ZAR1: variants seen among roughly 807,000 people sequenced by gnomAD.
ZAR1 encodes the protein zygote arrest 1.
ZAR1 carries 37 observed loss-of-function variants against 38.3 expected under a neutral mutation model. The ratio of observed to expected loss-of-function variants is 0.97; its 90% CI spans 0.74 to 1.27. The LOEUF is 1.27. Ranked by LOEUF, ZAR1 falls within the 50% of genes most tolerant of loss-of-function variation. The pLI, the probability that ZAR1 is intolerant of heterozygous loss-of-function variation, is 0.00. For missense variants in ZAR1, 651 were observed against 632.4 expected (o/e 1.03, Z -0.32); for synonymous variants, 336 against 292.0 (o/e 1.15, Z -1.53).
At position 48,490,659 on chromosome 4, in the gene ZAR1, G is replaced by A; in HGVS notation, c.368G>A (p.Gly123Glu). Residue 123 changes from glycine (G) to glutamate (E), a missense_variant, in exon 1 of 4, where the codon GGG becomes GAG. Coordinates refer to ENST00000327939, the MANE Select transcript of ZAR1 (RefSeq NM_175619.3). ...GACGCCGCGGTACAGTGCTCGCTGG[G>A]GAGGCGCACGCTGCAGCGCCGGGCC... ...RIDAAVQCSLGRRTLQRRARD... is the reference protein window; with the variant it reads ...RIDAAVQCSLERRTLQRRARD... 1 of 1,334,736 alleles carries A rather than the reference G, an allele frequency of 7.5e-7. No homozygotes were observed. Among genetic ancestry groups the A allele is most frequent in the Non-Finnish European group, 9.5e-7 (1 of 1,049,354 alleles). 82.7% of individuals were successfully genotyped at this position (1,334,736 alleles called of 1,614,324 possible).
At chr4:48,492,161 A>G (rs532475110) in intron 1 of ZAR1, among the ~76,000 whole-genome samples, 168 of 152,336 alleles carry the variant, frequency 1.1e-3, no homozygotes, top group Non-Finnish European at 1.9e-3. Flanking sequence ...AGCAGACTGA[A>G]TTAAGTGCTC....
chr4:48,490,371 C>CCGCGGCCACCAAGGGCAAGGG lies in ZAR1; in HGVS notation c.87_107dup (p.Thr30_Ala36dup). The CCGCGGCCACCAAGGGCAAGGG allele has an allele frequency of 6.6e-7, 1 of 1,505,246 alleles. No individual in the cohort carries two copies. Among genetic ancestry groups the CCGCGGCCACCAAGGGCAAGGG allele is most frequent in the Admixed American group, 2.1e-5 (1 of 47,028 alleles). The allele number at this position is 1,505,246 out of a possible 1,614,324, so 93.2% of individuals were successfully genotyped here. On this transcript the variant is annotated inframe_insertion, in exon 1 of 4. Coordinates refer to ENST00000327939, the MANE Select transcript of ZAR1 (RefSeq NM_175619.3). ...CCCTGCTCGTACCGGTACCCATACC[C>CCGCGGCCACCAAGGGCAAGGG]CGCGGCCACCAAGGGCAAGGGCGCG...
intron 1 of ZAR1, among the ~76,000 whole-genome samples, chr4:48,492,323 C>A (rs145263491): frequency 6.6e-6 from 1 of 152,276 alleles, no homozygotes; most frequent in Non-Finnish European, 1.5e-5. Context: ...GTTCCTGGCA[C>A]CACTGTTTGG....
intron 3 of ZAR1, 125 bp from the exon 4 acceptor site, chr4:48,493,976 A>T: frequency 8.3e-7 from 1 of 1,205,914 alleles, no homozygotes; most frequent in Non-Finnish European, 1.1e-6. Flanking sequence ...GGAAAACAAG[A>T]TTACTATGGG....
In ZAR1 at chr4:48,492,975, C is replaced by G. The variant is rs1285894230; in HGVS notation, c.1094C>G (p.Ser365Cys). Residue 365 changes from serine to cysteine, a missense_variant, in exon 3 of 4, where the codon TCT (serine) becomes TGT (cysteine). By Grantham distance (112) the Ser-to-Cys change is moderately radical. This residue lies in a region of ZAR1 where 129 missense variants were observed against 172.5 expected (regional missense o/e 0.75). Coordinates refer to ENST00000327939, the MANE Select transcript of ZAR1 (RefSeq NM_175619.3). ...CAGTTTTGCAGAACTTGTCAGAAGT[C>G]TTATAACCCTTACCGAGTGGAGGAT... ...FKQFCRTCQK[S>C]YNPYRVEDIT... 22 of 1,614,086 alleles carry G rather than the reference C, an allele frequency of 1.4e-5. No homozygotes were observed. Among genetic ancestry groups the G allele is most frequent in the Non-Finnish European group, 1.8e-5 (21 of 1,180,038 alleles).
Position 48,490,758 on chromosome 4 carries a change from C to A in ZAR1, c.467C>A (p.Ser156Tyr). The change falls in exon 1 of 4, where the codon TCC becomes TAC. Residue 156 changes from serine to tyrosine, a missense_variant. Ser to Tyr is a moderately radical substitution (Grantham distance 144). Around this residue, in one of 2 missense-constraint regions of ZAR1, gnomAD observed 522 missense variants for 459.9 expected, o/e 1.14. Coordinates refer to ENST00000327939, the MANE Select transcript of ZAR1 (RefSeq NM_175619.3). The part of the protein sequence containing the change: ...TGGGSFSQQP[S>Y]RRGLEQGSPQ... Reference sequence around the variant, plus strand: ...GGCGGCTCTTTCTCCCAGCAGCCATCCCGTCGAGGCCTGGAGCAGGGCAGC... The same window carrying A: ...GGCGGCTCTTTCTCCCAGCAGCCATACCGTCGAGGCCTGGAGCAGGGCAGC... 2 of 1,436,226 alleles carry A rather than the reference C, an allele frequency of 1.4e-6. No individual in the cohort carries two copies. The highest frequency in any genetic ancestry group is 1.8e-6 in the Non-Finnish European group (2 of 1,099,196). 89.0% of individuals were successfully genotyped at this position (1,436,226 alleles called of 1,614,324 possible).
chr4:48,494,099 A>C lies in ZAR1; in HGVS notation c.1132-2A>C, dbSNP rs1209777951. On this transcript the variant is annotated splice_acceptor_variant, in intron 3 of 3. Transcript: ENST00000327939. LOFTEE classifies it high-confidence loss of function. ...ATGCCCTTCTGTATTTTTTTCCCCC[A>C]GAGTTGTAAACAAACGAGATGTTCC... 8 of 1,610,106 alleles carry C rather than the reference A, an allele frequency of 5.0e-6. No individual in the cohort carries two copies. Among genetic ancestry groups the C allele is most frequent in the Non-Finnish European group, 6.8e-6 (8 of 1,177,746 alleles).
chr4:48,490,472 T>A lies in ZAR1; in HGVS notation c.181T>A (p.Leu61Met). The A allele has an allele frequency of 1.4e-6, 2 of 1,470,316 alleles. No individual in the cohort carries two copies. The highest frequency in any genetic ancestry group is 1.8e-6 in the Non-Finnish European group (2 of 1,119,986). 91.1% of individuals were successfully genotyped at this position (1,470,316 alleles called of 1,614,324 possible). A position where few individuals can be genotyped will look rare whatever the true frequency, so the allele number is the denominator to read the frequency against. Reference protein sequence around the residue: ...SSPCSAGAASLSFPGCGRLTA... With the variant: ...SSPCSAGAASMSFPGCGRLTA... The stretch of plus-strand genomic sequence containing the variant: ...CCCCTGCTCGGCGGGCGCGGCCTCG[T>A]TGTCCTTCCCGGGCTGCGGGCGGCT... The change falls in exon 1 of 4, where the codon TTG becomes ATG. Residue 61 changes from leucine (L) to methionine (M), a missense_variant. By Grantham distance (15) the Leu-to-Met change is conservative (BLOSUM62 2). Coordinates refer to ENST00000327939, the MANE Select transcript of ZAR1 (RefSeq NM_175619.3).
At chr4:48,494,058 A>C (rs375682478) in intron 3 of ZAR1, 43 bp from the exon 4 acceptor site, 65 of 1,592,202 alleles carry the variant, frequency 4.1e-5, no homozygotes, top group Non-Finnish European at 5.3e-5. Context: ...GAAATCACTA[A>C]GGGTTTATCT....
chr4:48,493,396 A>G (rs1718497961), intron 3 of ZAR1, among the ~76,000 whole-genome samples: 1 of 152,200 alleles, frequency 6.6e-6, no homozygotes, highest in South Asian at 2.1e-4. Flanking sequence ...GTACTTAAGC[A>G]CAGGGGGTTA....
chr4:48,493,995 T>G (rs1718515141), intron 3 of ZAR1, 106 bp from the exon 4 acceptor site: 2 of 1,371,418 alleles, frequency 1.5e-6, no homozygotes, highest in Admixed American at 4.9e-5. Flanking sequence ...GGACCTTGCT[T>G]AGAGCACATT....
At chr4:48,493,868 A>G (rs1402553056) in intron 3 of ZAR1, among the ~76,000 whole-genome samples, 1 of 152,194 alleles carries the variant, frequency 6.6e-6, no homozygotes, top group Non-Finnish European at 1.5e-5. Context: ...AAATTTCACA[A>G]TTCATAATTG....
chr4:48,490,992 C>T lies in ZAR1; in HGVS notation c.701C>T (p.Pro234Leu). 7.4e-7 allele frequency: 1 copy of T among 1,356,880 alleles called. No homozygotes were observed. The highest frequency in any genetic ancestry group is 9.4e-7 in the Non-Finnish European group (1 of 1,060,738). The allele number at this position is 1,356,880 out of a possible 1,614,324, so 84.1% of individuals were successfully genotyped here. A position where few individuals can be genotyped will look rare whatever the true frequency, so the allele number is the denominator to read the frequency against. Residue 234 changes from proline (P) to leucine (L), a missense_variant, in exon 1 of 4, where the codon CCC becomes CTC. By Grantham distance (98) the Pro-to-Leu change is moderately conservative. Transcript: ENST00000327939. ...EEGEVWTKKA[P>L]RRPQSDDDGE... ...GGGGAGGTGTGGACGAAGAAGGCGC[C>T]CCGGCGGCCGCAGTCCGACGACGAC...
Position 48,490,308 on chromosome 4 carries a change from A to T in ZAR1, c.17A>T (p.Asp6Val), listed in dbSNP as rs1475384407. The change falls in exon 1 of 4, where the codon GAC becomes GTC. Residue 6 changes from aspartate (D) to valine (V), a missense_variant. By Grantham distance (152) the Asp-to-Val change is radical. Transcript: ENST00000327939. ...AGTGCGCCCATGGCGGCCCTGGGGG[A>T]CGAGGTGCTGGACGGTTACGTGTTC... Reference protein sequence around the residue: MAALGDEVLDGYVFPA... With the variant: MAALGVEVLDGYVFPA... 4 of 1,505,542 alleles carry T rather than the reference A, an allele frequency of 2.7e-6. No individual in the cohort carries two copies. The African/African-American group carries it at 4.4e-5, about 16-fold the overall frequency. The allele number at this position is 1,505,542 out of a possible 1,614,324, so 93.3% of individuals were successfully genotyped here.
chr4:48,491,154 G>A lies in ZAR1; in HGVS notation c.863G>A (p.Gly288Glu), dbSNP rs1195229152. 3 of 1,241,022 alleles carry A rather than the reference G, an allele frequency of 2.4e-6. No homozygotes were observed. The African/African-American group carries it at 4.7e-5, about 19-fold the overall frequency. 76.9% of individuals were successfully genotyped at this position (1,241,022 alleles called of 1,614,324 possible). ...LRSPGQPPSA[G>E]RARDGGDGRE... ...AGCCCGGGGCAACCTCCGTCGGCGG[G>A]GAGGGCCCGAGACGGCGGCGACGGA... The change falls in exon 1 of 4, where the codon GGG (glycine) becomes GAG (glutamate). Residue 288 changes from glycine to glutamate, a missense_variant. By Grantham distance (98) the Gly-to-Glu change is moderately conservative. Transcript: ENST00000327939.
Position 48,490,542 on chromosome 4 carries a change from T to C in ZAR1, c.251T>C (p.Met84Thr). 6.9e-7 allele frequency: 1 copy of C among 1,451,978 alleles called. No individual in the cohort carries two copies. 89.9% of individuals were successfully genotyped at this position (1,451,978 alleles called of 1,614,324 possible). The change falls in exon 1 of 4, where the codon ATG (methionine) becomes ACG (threonine). Residue 84 changes from methionine to threonine, a missense_variant. By Grantham distance (81) the Met-to-Thr change is moderately conservative. This residue lies in a region of ZAR1 where 522 missense variants were observed against 459.9 expected (regional missense o/e 1.14). Coordinates refer to ENST00000327939, the MANE Select transcript of ZAR1 (RefSeq NM_175619.3). ...YFDSYQRERL[M>T]ALLAQVGPGL... ...GACAGCTACCAGCGGGAGCGGCTCA[T>C]GGCTCTCCTGGCGCAGGTGGGGCCG...
rs752137624 is a variant in ZAR1 at position 48,490,906 on chromosome 4, G to A, written c.615G>A (p.Arg205=). The change falls in exon 1 of 4, where the codon AGG becomes AGA. Residue 205 remains arginine, a synonymous_variant. Transcript: ENST00000327939. ...CCGGGCCCGCGGCGGGCGAGCAGAG[G>A]TCCGGGGCGTCGGACGGAGAGAGGG... is the stretch of plus-strand genomic sequence containing the variant. The part of the protein sequence containing the change: ...EGPGPAAGEQ[R]SGASDGERGP... 1.2e-5 allele frequency: 17 copies of A among 1,366,926 alleles called. No individual in the cohort carries two copies. The East Asian group carries it at 5.0e-4, about 40-fold the overall frequency. The allele number at this position is 1,366,926 out of a possible 1,614,324, so 84.7% of individuals were successfully genotyped here.
chr4:48,492,943 C>T lies in ZAR1; in HGVS notation c.1062C>T (p.Tyr354=). ...VWCVQGTNKV[Y]FKQFCRTCQK... is the part of the protein sequence containing the mutation. The stretch of plus-strand genomic sequence containing the variant: ...TATCCTCTTTGTCATCACAGGTTTA[C>T]TTCAAACAGTTTTGCAGAACTTGTC... The change falls in exon 3 of 4, where the codon TAC becomes TAT. Residue 354 remains tyrosine, a synonymous_variant. Transcript: ENST00000327939. 2 of 1,614,208 alleles carry T rather than the reference C, an allele frequency of 1.2e-6. No homozygotes were observed. The highest frequency in any genetic ancestry group is 2.2e-5 in the South Asian group (2 of 91,090).
At chr4:48,496,927 C>A (rs1013719811), downstream of ZAR1, among the ~76,000 whole-genome samples, 1 of 152,102 alleles carries the variant, frequency 6.6e-6, no homozygotes, top group African/African-American at 2.4e-5. Context: ...CACTCACAGG[C>A]CTGGATGAGG....
Sources: gnomAD v4.1 joint callset for allele counts (sites outside exome capture counted in the v4.1 genomes callset) on GRCh38, gnomAD v4.1.1 for gene constraint, gnomAD v4.1.1 regional missense constraint, MANE v1.5 for transcripts, NCBI Gene and HGNC (gene_info 2026-07-23, HGNC 2026-07-21) for gene names.